NAV2: variants seen among roughly 807,000 people sequenced by gnomAD.
The protein encoded by NAV2 is helicase, APC down-regulated 1.
A neutral mutation model predicts 223.2 loss-of-function variants in NAV2; 54 were observed. The observed-to-expected ratio is 0.24, with a 90% confidence interval of 0.19 to 0.30. The LOEUF (loss-of-function observed/expected upper bound fraction) is 0.30. Ranked by LOEUF, NAV2 falls within the 10% of genes least tolerant of loss-of-function variation. The pLI is 1.00. For synonymous variants in NAV2, 1,279 were observed against 1,239.3 expected (o/e 1.03, Z -0.67); for missense variants, 2,806 against 3,147.5 (o/e 0.89, Z 2.60).
chr11:19,616,106 C>T (rs1037582380), intron 1 of NAV2, among the ~76,000 whole-genome samples: 3 of 152,078 alleles, frequency 2.0e-5, no homozygotes, highest in East Asian at 1.9e-4. Flanking sequence ...GAAACATTCA[C>T]GGGGTTTTTT....
intron 6 of NAV2, among the ~76,000 whole-genome samples, chr11:19,904,246 G>A (rs2042681001): frequency 6.6e-6 from 1 of 152,140 alleles, no homozygotes; most frequent in Admixed American, 6.5e-5. Context: ...TGTGTCTGAG[G>A]TTATTTATTG....
At chr11:19,971,756 T>C (rs2049269704) in intron 10 of NAV2, among the ~76,000 whole-genome samples, 1 of 152,232 alleles carries the variant, frequency 6.6e-6, no homozygotes, top group South Asian at 2.1e-4. Flanking sequence ...CAGGCTGGAG[T>C]GCAGTGGCAC....
At chr11:19,757,918 C>G (rs7928626) in intron 1 of NAV2, among the ~76,000 whole-genome samples, 38,873 of 152,122 alleles carry the variant, frequency 0.26, 5,467 homozygotes, top group Middle Eastern at 0.38. Flanking sequence ...GTCTTACCCC[C>G]AGTCTCTTGG....
chr11:19,548,106 C>T (rs1271892834), intron 1 of NAV2, among the ~76,000 whole-genome samples: 1 of 152,156 alleles, frequency 6.6e-6, no homozygotes, highest in South Asian at 2.1e-4. Flanking sequence ...TATCTTAGTT[C>T]GTAGGATAGG....
intron 1 of NAV2, among the ~76,000 whole-genome samples, chr11:19,557,846 A>G (rs190307813): frequency 6.6e-6 from 1 of 152,308 alleles, no homozygotes; most frequent in East Asian, 1.9e-4. Context: ...GAAGGCTTGG[A>G]CAGTCAGTGG....
chr11:19,736,270 G>A (rs913917514), intron 1 of NAV2, among the ~76,000 whole-genome samples: 7 of 152,182 alleles, frequency 4.6e-5, no homozygotes, highest in Non-Finnish European at 8.8e-5. Context: ...AATTTATGCA[G>A]TTTCCACTGC....
At chr11:19,741,695 A>G (rs1451827511) in intron 1 of NAV2, among the ~76,000 whole-genome samples, 9 of 2,348 alleles carry the variant, frequency 3.8e-3, no homozygotes, top group African/African-American at 4.1e-3. Context: ...GTGTATATAT[A>G]TATATATATA....
intron 1 of NAV2, among the ~76,000 whole-genome samples, chr11:19,524,669 T>C (rs912122291): frequency 1.3e-5 from 2 of 152,160 alleles, no homozygotes; most frequent in African/African-American, 2.4e-5. Flanking sequence ...AACAGACTCT[T>C]GGAAAGCTTG....
chr11:19,991,217 C>G (rs1308662783), intron 11 of NAV2, among the ~76,000 whole-genome samples: 1 of 152,174 alleles, frequency 6.6e-6, no homozygotes, highest in Non-Finnish European at 1.5e-5. Flanking sequence ...CAACCTCCAC[C>G]CCGGCTCAAG....
Position 19,897,886 on chromosome 11 carries a change from T to TATATA in NAV2, c.931+5292_931+5293insATATA, listed in dbSNP as rs1555129987. On this transcript the variant is annotated intron_variant, in intron 6 of 37. Transcript: ENST00000349880. The stretch of plus-strand genomic sequence containing the variant: ...GCCACAGCTGTGCCTGACCTGTGAT[T>TATATA]TATATATATATATATATATGTGAGC... Among the ~76,000 whole-genome samples the TATATA allele has an allele frequency of 1.5e-3, 179 of 120,678 alleles. 9 individuals are homozygous for TATATA. The highest frequency in any genetic ancestry group is 5.9e-3 in the African/African-American group (175 of 29,678). 79.2% of individuals were successfully genotyped at this position (120,678 alleles called of 152,430 possible). A position where few individuals can be genotyped will look rare whatever the true frequency, so the allele number is the denominator to read the frequency against.
chr11:19,482,501 T>C (rs1564973319), intron 1 of NAV2, among the ~76,000 whole-genome samples: 1 of 152,200 alleles, frequency 6.6e-6, no homozygotes. Context: ...GACTCAATGC[T>C]TGAAGACATA....
intron 11 of NAV2, among the ~76,000 whole-genome samples, chr11:19,995,432 G>A (rs540053404): frequency 4.6e-5 from 7 of 152,314 alleles, no homozygotes; most frequent in Non-Finnish European, 5.9e-5. Context: ...CTGGCATGCC[G>A]TGGGGCCCCC....
chr11:19,715,072 C>A (rs1230155430), intron 1 of NAV2, among the ~76,000 whole-genome samples: 2 of 152,172 alleles, frequency 1.3e-5, no homozygotes, highest in African/African-American at 2.4e-5. Flanking sequence ...TCTCCTGGAG[C>A]TTTCTCTGAT....
chr11:19,891,309 G>A (rs1396513612), intron 5 of NAV2, among the ~76,000 whole-genome samples: 1 of 152,176 alleles, frequency 6.6e-6, no homozygotes, highest in Non-Finnish European at 1.5e-5. Context: ...CAAGCTGAAA[G>A]ATATAACTAA....
chr11:19,376,319 T>C (rs986701892), intron 1 of NAV2, among the ~76,000 whole-genome samples: 1 of 152,194 alleles, frequency 6.6e-6, no homozygotes, highest in Admixed American at 6.5e-5. Flanking sequence ...TCCTAATTGG[T>C]AAATACAGAT....
intron 1 of NAV2, among the ~76,000 whole-genome samples, chr11:19,771,348 T>C (rs2055703523): frequency 6.6e-6 from 1 of 152,126 alleles, no homozygotes; most frequent in Non-Finnish European, 1.5e-5. Flanking sequence ...ATACTTCTGA[T>C]GAGTGGAAAG....
chr11:19,871,708 C>T (rs2062514715), intron 4 of NAV2, among the ~76,000 whole-genome samples: 1 of 152,172 alleles, frequency 6.6e-6, no homozygotes, highest in South Asian at 2.1e-4. Context: ...CTCCTGTCAC[C>T]TGGCAGCGGT....
intron 34 of NAV2, chr11:20,104,653 G>C (rs1166072017): frequency 6.6e-6 from 1 of 152,308 alleles, no homozygotes; most frequent in African/African-American, 2.4e-5. Context: ...CCATCACCTA[G>C]CTGGTACGTC....
intron 1 of NAV2, among the ~76,000 whole-genome samples, chr11:19,523,930 TG>T (rs1249482762): frequency 6.6e-6 from 1 of 152,240 alleles, no homozygotes. Context: ...CTTCTTTCCC[TG>T]GGTAGCTTCT....
Sources: allele counts gnomAD v4.1 joint callset (sites outside exome capture counted in the v4.1 genomes callset), GRCh38; gene constraint gnomAD v4.1.1; transcripts MANE v1.5; gene names NCBI Gene and HGNC (gene_info 2026-07-23, HGNC 2026-07-21).